ATAD5: variants seen among roughly 807,000 people sequenced by gnomAD.
The protein encoded by ATAD5 is ATPase family AAA domain containing 5, also known as ATPase family AAA domain-containing protein 5.
A neutral mutation model predicts 176.9 loss-of-function variants in ATAD5; 58 were observed. The observed-to-expected ratio is 0.33, with a 90% confidence interval of 0.27 to 0.41. The LOEUF is 0.41. Among genes scored for constraint, ATAD5 ranks in the 10% least tolerant of loss-of-function variants. The pLI, the probability that ATAD5 is intolerant of heterozygous loss-of-function variation, is 1.00. For synonymous variants in ATAD5, 640 were observed against 712.6 expected (o/e 0.90, Z 1.62); for missense variants, 1,789 against 2,094.1 (o/e 0.85, Z 2.84).
Position 30,834,170 on chromosome 17 carries a change from A to T in ATAD5, c.89A>T (p.Asp30Val), listed in dbSNP as rs1301816762. 3 of 1,567,298 alleles carry T rather than the reference A, an allele frequency of 1.9e-6. No individual in the cohort carries two copies. The highest frequency in any genetic ancestry group is 2.8e-5 in the African/African-American group (2 of 72,552). ...EIEPCKKRKK[D>V]DDTSTCKTIT... The stretch of plus-strand genomic sequence containing the variant: ...CAGCCATGCAAAAAGCGAAAGAAAG[A>T]TGATGACACATCTACCTGCAAAACA... The change falls in exon 2 of 23, where the codon GAT (aspartate) becomes GTT (valine). Residue 30 changes from aspartate (D) to valine (V), a missense_variant. This residue lies in a region of ATAD5 where 696 missense variants were observed against 712.5 expected (regional missense o/e 0.98). Coordinates refer to ENST00000321990, the MANE Select transcript of ATAD5 (RefSeq NM_024857.5).
rs766428559 is a variant in ATAD5, at chr17:30,834,680, A to G, written c.599A>G (p.Asn200Ser). Residue 200 changes from asparagine to serine, a missense_variant, in exon 2 of 23, where the codon AAT (asparagine) becomes AGT (serine). Transcript: ENST00000321990. ...KVNPKQGTTK[N>S]DFKKLRKRKC... ...AATCCTAAACAAGGGACCACAAAAA[A>G]TGACTTCAAAAAGTTGAGAAAAAGG... The G allele has an allele frequency of 6.2e-7, 1 of 1,610,230 alleles. No individual in the cohort carries two copies. The highest frequency in any genetic ancestry group is 2.2e-5 in the East Asian group (1 of 44,848).
intron 5 of ATAD5, among the ~76,000 whole-genome samples, chr17:30,844,551 CTTTT>C (rs145866847): frequency 7.2e-6 from 1 of 139,534 alleles, no homozygotes; most frequent in African/African-American, 2.6e-5. Context: ...AAGAGTTTTT[CTTTT>C]TTTTTTTTTG....
chr17:30,844,061 T>A lies in ATAD5; in HGVS notation c.2368+22T>A, dbSNP rs755018097. ...CCTGGTAATCAGAGTTAATAATATT[T>A]ATGATGTATATTAGAATGTTTTGGG... On this transcript the variant is annotated intron_variant, in intron 5 of 22. Coordinates refer to ENST00000321990, the MANE Select transcript of ATAD5 (RefSeq NM_024857.5). 4 of 1,485,220 alleles carry A rather than the reference T, an allele frequency of 2.7e-6. No individual in the cohort carries two copies. The South Asian group carries it at 5.5e-5, about 20-fold the overall frequency. 92.0% of individuals were successfully genotyped at this position (1,485,220 alleles called of 1,614,324 possible). A position where few individuals can be genotyped will look rare whatever the true frequency, so the allele number is the denominator to read the frequency against.
Position 30,840,685 on chromosome 17 carries a change from C to T in ATAD5, c.2145C>T (p.Ile715=), listed in dbSNP as rs981150897. The change falls in exon 4 of 23, where the codon ATC becomes ATT. Residue 715 remains isoleucine, a synonymous_variant. Transcript: ENST00000321990. ...TTGAAAAAGCAAAAGCTTTACACAT[C>T]AGTAGGTCAAAGGTGACTGAAGAAA... ...QLIEKAKALH[I]SRSKVTEEIA... 6.2e-7 allele frequency: 1 copy of T among 1,605,436 alleles called. No homozygotes were observed. Among genetic ancestry groups the T allele is most frequent in the South Asian group, 1.1e-5 (1 of 89,206 alleles).
intron 18 of ATAD5, among the ~76,000 whole-genome samples, chr17:30,886,442 G>A (rs935882173): frequency 6.6e-6 from 1 of 150,508 alleles, no homozygotes; most frequent in Non-Finnish European, 1.5e-5. Flanking sequence ...CTCCATCGCC[G>A]AGGCTGGAGT....
chr17:30,842,670 T>C (rs1051494361), intron 4 of ATAD5, among the ~76,000 whole-genome samples: 1 of 152,244 alleles, frequency 6.6e-6, no homozygotes, highest in Admixed American at 6.5e-5. Flanking sequence ...CTTGGTCATA[T>C]TGACTGTTTT....
intron 9 of ATAD5, among the ~76,000 whole-genome samples, chr17:30,859,472 G>A (rs1260074549): frequency 6.6e-6 from 1 of 152,102 alleles, no homozygotes; most frequent in Non-Finnish European, 1.5e-5. Context: ...TGATTCTGGT[G>A]TCTCAGCCTG....
chr17:30,877,783 C>T (rs4131618), intron 16 of ATAD5, among the ~76,000 whole-genome samples: 20,029 of 152,066 alleles, frequency 0.13, 1,459 homozygotes, highest in South Asian at 0.24. Flanking sequence ...TTATTCTGAT[C>T]CATATCTGTC....
chr17:30,885,325 C>T (rs1909251083), intron 18 of ATAD5, among the ~76,000 whole-genome samples: 1 of 152,222 alleles, frequency 6.6e-6, no homozygotes, highest in Non-Finnish European at 1.5e-5. Flanking sequence ...GGATTACAAG[C>T]ATGAGCCACC....
intron 5 of ATAD5, among the ~76,000 whole-genome samples, chr17:30,844,272 C>T (rs1394967375): frequency 2.0e-5 from 3 of 152,056 alleles, no homozygotes; most frequent in Admixed American, 2.0e-4. Context: ...GCTGGGACTA[C>T]AGGCACCCAC....
chr17:30,865,682 A>AT (rs761866185), intron 10 of ATAD5, 22 bp from the exon 11 acceptor site: 88,125 of 1,099,342 alleles, frequency 0.08, 2 homozygotes, highest in Non-Finnish European at 0.086. Context: ...GAATACCTTA[A>AT]TTTTTTTTTT....
chr17:30,871,982 C>A (rs1220871945), intron 14 of ATAD5, among the ~76,000 whole-genome samples: 1 of 152,090 alleles, frequency 6.6e-6, no homozygotes, highest in Non-Finnish European at 1.5e-5. Context: ...AGTGGAGTGG[C>A]ACGATTATGG....
At position 30,835,680 on chromosome 17, in the gene ATAD5, A is replaced by G. The variant is rs1905696004; in HGVS notation, c.1599A>G (p.Leu533=). 6.8e-6 allele frequency: 11 copies of G among 1,607,620 alleles called. No homozygotes were observed. Among genetic ancestry groups the G allele is most frequent in the Non-Finnish European group, 9.3e-6 (11 of 1,177,716 alleles). Residue 533 remains leucine (L), a synonymous_variant, in exon 2 of 23, where the codon TTA becomes TTG. Coordinates refer to ENST00000321990, the MANE Select transcript of ATAD5 (RefSeq NM_024857.5). ...CAGAGTTTTTCAAAAGCAGCACTTT[A>G]TTTAACAATGAAAGTCTTGTTTATG... ...RKTEFFKSST[L]FNNESLVYED... is the part of the protein sequence containing the mutation.
intron 3 of ATAD5, among the ~76,000 whole-genome samples, chr17:30,839,876 T>A (rs542464052): frequency 7.0e-4 from 106 of 150,994 alleles, no homozygotes; most frequent in Admixed American, 7.0e-3. Flanking sequence ...TGAGCCACTG[T>A]GTCCAGACTC....
intron 2 of ATAD5, 115 bp downstream of exon 2, chr17:30,836,163 GA>G: frequency 1.1e-6 from 1 of 873,654 alleles, no homozygotes. Context: ...CTGTTTAAAA[GA>G]AAAAGAACAG....
Position 30,855,257 on chromosome 17 carries a change from T to A in ATAD5, c.2565T>A (p.Ala855=), listed in dbSNP as rs1409982897. ...AACGGCAAATTGCAAAGAAAGCTGC[T>A]GCGCTGGATGTGTACAATGCAGTGA... ...LLKRQIAKKA[A]ALDVYNAVST... Residue 855 remains alanine, a synonymous_variant, in exon 7 of 23, where the codon GCT becomes GCA. Transcript: ENST00000321990. 6.2e-7 allele frequency: 1 copy of A among 1,614,150 alleles called. No individual in the cohort carries two copies. Among genetic ancestry groups the A allele is most frequent in the Middle Eastern group, 1.6e-4 (1 of 6,062 alleles).
At chr17:30,879,842 G>A (rs1019204381) in intron 18 of ATAD5, among the ~76,000 whole-genome samples, 3 of 151,900 alleles carry the variant, frequency 2.0e-5, no homozygotes, top group Admixed American at 1.3e-4. Context: ...GATTACAGGC[G>A]TGAGCCACTG....
At chr17:30,885,058 A>G (rs574166730) in intron 18 of ATAD5, among the ~76,000 whole-genome samples, 5 of 151,766 alleles carry the variant, frequency 3.3e-5, no homozygotes, top group Non-Finnish European at 7.4e-5. Context: ...CCTTTGCCTT[A>G]TATTTCTAAT....
chr17:30,838,909 T>C (rs1288233879), intron 3 of ATAD5, among the ~76,000 whole-genome samples: 4 of 152,244 alleles, frequency 2.6e-5, no homozygotes, highest in Non-Finnish European at 5.9e-5. Flanking sequence ...ACTGAAGACT[T>C]ATCCAGCCTT....
Sources: gnomAD v4.1 joint callset for allele counts (sites outside exome capture counted in the v4.1 genomes callset) on GRCh38, gnomAD v4.1.1 for gene constraint, gnomAD v4.1.1 regional missense constraint, MANE v1.5 for transcripts, NCBI Gene and HGNC (gene_info 2026-07-23, HGNC 2026-07-21) for gene names.